The following GNAQ variants were observed in gnomAD, a reference collection of about 807,000 sequenced individuals.
GNAQ encodes the protein G protein subunit alpha q, also known as guanine nucleotide-binding protein G(q) subunit alpha.
Under a neutral mutation model 43.9 loss-of-function variants are expected in GNAQ, and 8 were observed. That is an observed-to-expected ratio of 0.18 (90% CI 0.11 to 0.33). The LOEUF (loss-of-function observed/expected upper bound fraction) is 0.33, where lower values mean the gene tolerates loss of function less well. Ranked by LOEUF, GNAQ falls within the 10% of genes least tolerant of loss-of-function variation. The probability of loss-of-function intolerance (pLI) is 1.00; values close to 1 mark genes in which losing one functional copy is unlikely to be tolerated. For synonymous variants in GNAQ, 155 were observed against 170.7 expected (o/e 0.91, Z 0.71); for missense variants, 158 against 450.8 (o/e 0.35, Z 5.88).
intron 1 of GNAQ, among the ~76,000 whole-genome samples, chr9:78,013,402 T>C (rs1047626749): frequency 1.3e-5 from 2 of 151,914 alleles, no homozygotes; most frequent in Admixed American, 6.6e-5. Flanking sequence ...CGTGTTGGTG[T>C]GCTGCACCCA....
In GNAQ at chr9:77,913,568, T is replaced by C. The variant is rs114559528; in HGVS notation, c.321+8593A>G. Among the ~76,000 whole-genome samples, 1,262 of 152,238 alleles carry C rather than the reference T, an allele frequency of 8.3e-3. 14 individuals are homozygous for C. Among genetic ancestry groups the C allele is most frequent in the African/African-American group, 0.028 (1,166 of 41,532 alleles). On this transcript the variant is annotated intron_variant, in intron 2 of 6. Coordinates refer to ENST00000286548, the MANE Select transcript of GNAQ (RefSeq NM_002072.5). ...GTGAGGCACTGCTATTACATAGCAA[T>C]GAGAATAAAGGAATTACAAGTTAAC...
intron 3 of GNAQ, among the ~76,000 whole-genome samples, chr9:77,804,472 T>C (rs77511749): frequency 0.013 from 1,987 of 152,232 alleles, 39 homozygotes; most frequent in African/African-American, 0.044. Context: ...TTTCAGGGTG[T>C]AACCACTGCA....
At chr9:77,873,986 T>A (rs1388611141) in intron 2 of GNAQ, among the ~76,000 whole-genome samples, 1 of 151,384 alleles carries the variant, frequency 6.6e-6, no homozygotes, top group African/African-American at 2.4e-5. Context: ...ATGCCTGTAA[T>A]CCCAGCTACC....
intron 2 of GNAQ, 80 bp from the exon 3 acceptor site, chr9:77,815,850 ATTC>A: frequency 1.2e-6 from 1 of 845,884 alleles, no homozygotes; most frequent in Non-Finnish European, 1.9e-6. Context: ...ATTATATACA[ATTC>A]AGGTAACACC....
chr9:77,868,056 C>T (rs1179059790), intron 2 of GNAQ, among the ~76,000 whole-genome samples: 1 of 152,102 alleles, frequency 6.6e-6, no homozygotes, highest in Non-Finnish European at 1.5e-5. Flanking sequence ...TGTGATCATC[C>T]CTTGTCATAG....
intron 2 of GNAQ, among the ~76,000 whole-genome samples, chr9:77,909,981 G>C (rs1371265733): frequency 1.3e-5 from 2 of 152,056 alleles, no homozygotes; most frequent in Admixed American, 6.5e-5. Flanking sequence ...TTGTACTAAT[G>C]AAAATCATGA....
At chr9:77,860,755 G>C (rs955007082) in intron 2 of GNAQ, among the ~76,000 whole-genome samples, 11 of 152,124 alleles carry the variant, frequency 7.2e-5, no homozygotes, top group Admixed American at 5.2e-4. Flanking sequence ...CACAGGACTG[G>C]AAGGCAGAGC....
At chr9:77,770,391 A>G (rs1165383101) in intron 5 of GNAQ, among the ~76,000 whole-genome samples, 1 of 152,134 alleles carries the variant, frequency 6.6e-6, no homozygotes, top group Non-Finnish European at 1.5e-5. Flanking sequence ...CCATCCCAAG[A>G]CCCCAAAAAA....
At chr9:78,009,890 T>C (rs1247045479) in intron 1 of GNAQ, among the ~76,000 whole-genome samples, 1 of 152,128 alleles carries the variant, frequency 6.6e-6, no homozygotes, top group African/African-American at 2.4e-5. Flanking sequence ...ACATCACAGA[T>C]GACCACAGAT....
chr9:77,942,650 T>G (rs1328737829), intron 1 of GNAQ, among the ~76,000 whole-genome samples: 1 of 152,182 alleles, frequency 6.6e-6, no homozygotes, highest in Non-Finnish European at 1.5e-5. Flanking sequence ...CCACATATAT[T>G]CCTCATAGTC....
At chr9:77,840,358 T>TG (rs977879607) in intron 2 of GNAQ, among the ~76,000 whole-genome samples, 116 of 151,426 alleles carry the variant, frequency 7.7e-4, no homozygotes, top group Middle Eastern at 3.4e-3. Flanking sequence ...TTTTTGTTTT[T>TG]TTTTTTTTTT....
At chr9:77,726,134 C>G (rs564730826) in intron 6 of GNAQ, among the ~76,000 whole-genome samples, 34 of 152,316 alleles carry the variant, frequency 2.2e-4, no homozygotes, top group African/African-American at 7.7e-4. Flanking sequence ...ACTACCCACA[C>G]AGTCACTTCC....
chr9:77,815,747 T>G lies in GNAQ; in HGVS notation c.345A>C (p.Glu115Asp). 2 of 1,612,010 alleles carry G rather than the reference T, an allele frequency of 1.2e-6. No individual in the cohort carries two copies. Among genetic ancestry groups the G allele is most frequent in the Non-Finnish European group, 1.7e-6 (2 of 1,178,454 alleles). ...AAGCAGACACCTTCTCCACATCAACTTCTCGAACTAATTGTGCATGAGCCT... is the reference window on the plus strand; with the variant it reads ...AAGCAGACACCTTCTCCACATCAACGTCTCGAACTAATTGTGCATGAGCCT... The part of the protein sequence containing the change: ...HNKAHAQLVR[E>D]VDVEKVSAFE... Residue 115 changes from glutamate (E) to aspartate (D), a missense_variant, in exon 3 of 7, where the codon GAA (glutamate) becomes GAC (aspartate). Around this residue, in one of 9 missense-constraint regions of GNAQ, gnomAD observed 57 missense variants for 78.2 expected, o/e 0.73. Transcript: ENST00000286548.
intron 3 of GNAQ, among the ~76,000 whole-genome samples, chr9:77,798,922 G>A (rs887935849): frequency 3.9e-5 from 6 of 152,122 alleles, no homozygotes; most frequent in African/African-American, 9.7e-5. Context: ...AGAGATTTGT[G>A]TAATAACACC....
intron 1 of GNAQ, among the ~76,000 whole-genome samples, chr9:77,954,863 C>T (rs566943848): frequency 4.9e-4 from 75 of 152,230 alleles, no homozygotes; most frequent in African/African-American, 1.7e-3. Flanking sequence ...AACACAATAA[C>T]AAAAACCTTC....
chr9:77,909,529 A>C (rs1828764316), intron 2 of GNAQ, among the ~76,000 whole-genome samples: 1 of 152,178 alleles, frequency 6.6e-6, no homozygotes, highest in African/African-American at 2.4e-5. Context: ...AAACCGTTAT[A>C]CTTTTTACCA....
At chr9:77,930,376 T>G (rs1044284222) in intron 1 of GNAQ, among the ~76,000 whole-genome samples, 26 of 152,226 alleles carry the variant, frequency 1.7e-4, no homozygotes, top group Non-Finnish European at 3.4e-4. Context: ...TTCCTACTCG[T>G]TTTTTAAAAC....
At chr9:77,802,772 T>C (rs750967653) in intron 3 of GNAQ, among the ~76,000 whole-genome samples, 27 of 152,154 alleles carry the variant, frequency 1.8e-4, no homozygotes, top group Non-Finnish European at 3.5e-4. Context: ...GAAGCTCCCA[T>C]GTTTTACATA....
At position 77,728,671 on chromosome 9, in the gene GNAQ, GAA is replaced by G. The variant is rs5898555; in HGVS notation, c.736-6_736-5del. ...CCTTGCTTTCCTCCATTCGGTTCTG[GAA>G]AAAAAAAAAAAATCAGAAAAAACAA... On this transcript the variant is annotated splice_polypyrimidine_tract_variant and splice_region_variant and intron_variant, in intron 5 of 6. Transcript: ENST00000286548. The G allele has an allele frequency of 5.1e-4, 677 of 1,324,040 alleles. No homozygotes were observed. The highest frequency in any genetic ancestry group is 9.5e-4 in the African/African-American group (63 of 66,436). The allele number at this position is 1,324,040 out of a possible 1,614,324, so 82.0% of individuals were successfully genotyped here.
Sources: allele counts gnomAD v4.1 joint callset (sites outside exome capture counted in the v4.1 genomes callset), GRCh38; gene constraint gnomAD v4.1.1; regional missense constraint gnomAD v4.1.1; transcripts MANE v1.5; gene names NCBI Gene and HGNC (gene_info 2026-07-23, HGNC 2026-07-21).